TCF4: variants seen among roughly 807,000 people sequenced by gnomAD.
TCF4 encodes the protein SL3-3 enhancer factor 2.
A neutral mutation model predicts 82.1 loss-of-function variants in TCF4; 3 were observed. The ratio of observed to expected loss-of-function variants is 0.04; its 90% CI spans 0.02 to 0.09. TCF4 has a LOEUF of 0.09. Among genes scored for constraint, TCF4 ranks in the 10% least tolerant of loss-of-function variants. TCF4 has a pLI of 1.00. For missense variants in TCF4, 518 were observed against 852.7 expected (o/e 0.61, Z 4.89); for synonymous variants, 276 against 309.6 (o/e 0.89, Z 1.14).
intron 3 of TCF4, among the ~76,000 whole-genome samples, chr18:55,469,282 G>A (rs535427875): frequency 6.6e-6 from 1 of 152,172 alleles, no homozygotes; most frequent in African/African-American, 2.4e-5. Flanking sequence ...TGGCCAAAAT[G>A]GTGAGACCCC....
At chr18:55,431,862 C>T (rs12963463) in intron 5 of TCF4, among the ~76,000 whole-genome samples, 91,540 of 151,914 alleles carry the variant, frequency 0.6, 29,016 homozygotes, top group Non-Finnish European at 0.7. Context: ...TAACTAATGT[C>T]GGGGGGGTCT....
intron 2 of TCF4, among the ~76,000 whole-genome samples, chr18:55,626,381 G>C (rs1471005720): frequency 6.6e-6 from 1 of 152,030 alleles, no homozygotes; most frequent in African/African-American, 2.4e-5. Context: ...TTTCTTGTCT[G>C]TGAATACTAT....
At chr18:55,298,662 A>G (rs530928851) in intron 8 of TCF4, among the ~76,000 whole-genome samples, 2 of 152,344 alleles carry the variant, frequency 1.3e-5, no homozygotes, top group East Asian at 3.9e-4. Context: ...ATATCAGGCA[A>G]ATAACCAAAT....
At chr18:55,281,882 G>T (rs985407097) in intron 8 of TCF4, among the ~76,000 whole-genome samples, 2 of 151,814 alleles carry the variant, frequency 1.3e-5, no homozygotes, top group Non-Finnish European at 2.9e-5. Context: ...AATATTGGCT[G>T]CATGGAGAAG....
At chr18:55,286,430 C>G (rs534229323) in intron 8 of TCF4, among the ~76,000 whole-genome samples, 1 of 151,950 alleles carries the variant, frequency 6.6e-6, no homozygotes, top group African/African-American at 2.4e-5. Flanking sequence ...GTAAAGGAGT[C>G]AAAGGAAGAG....
chr18:55,574,935 G>A (rs1323523910), intron 3 of TCF4, among the ~76,000 whole-genome samples: 1 of 152,040 alleles, frequency 6.6e-6, no homozygotes, highest in African/African-American at 2.4e-5. Flanking sequence ...ATAAGAACAT[G>A]GCATGCATTC....
chr18:55,403,370 T>G, intron 6 of TCF4, 84 bp downstream of exon 6: 1 of 1,504,310 alleles, frequency 6.6e-7, no homozygotes, highest in Non-Finnish European at 9.3e-7. Context: ...TGTCACAGTT[T>G]AAAATGCATC....
chr18:55,374,330 A>T lies in TCF4; in HGVS notation c.370-23327T>A, dbSNP rs960192164. Among the ~76,000 whole-genome samples, 7 of 152,054 alleles carry T rather than the reference A, an allele frequency of 4.6e-5. No homozygotes were observed. The South Asian group carries it at 1.0e-3, about 23-fold the overall frequency. ...AAAACAAAATGTAGATTATCAATGA[A>T]ACCAAAAGAAGGTACTTGAAAAAAA... On this transcript the variant is annotated intron_variant, in intron 6 of 19. Coordinates refer to ENST00000354452, the MANE Select transcript of TCF4 (RefSeq NM_001083962.2).
At chr18:55,480,296 A>AAAAAAG (rs1568175293) in intron 3 of TCF4, among the ~76,000 whole-genome samples, 10 of 63,350 alleles carry the variant, frequency 1.6e-4, no homozygotes, top group Admixed American at 2.1e-4. Flanking sequence ...AAAAAAAAAA[A>AAAAAAG]GCGGGGGGGC....
At chr18:55,552,009 T>C (rs1201328213) in intron 3 of TCF4, among the ~76,000 whole-genome samples, 2 of 152,226 alleles carry the variant, frequency 1.3e-5, no homozygotes, top group African/African-American at 2.4e-5. Flanking sequence ...CACAGTGACA[T>C]ATAAATATCT....
At chr18:55,326,401 CAAAAAAAAAAAAAA>C (rs59228811) in intron 8 of TCF4, among the ~76,000 whole-genome samples, 62 of 26,390 alleles carry the variant, frequency 2.3e-3, no homozygotes, top group Admixed American at 7.6e-3. Flanking sequence ...AGAGCAGCAG[CAAAAAAAAAAAAAA>C]AAAAAAAAAA....
At chr18:55,269,452 A>G in intron 11 of TCF4, 1 of 314,496 alleles carries the variant, frequency 3.2e-6, no homozygotes, top group Non-Finnish European at 6.2e-6. Context: ...CAATGACTGG[A>G]ATTTTGGGAA....
intron 5 of TCF4, among the ~76,000 whole-genome samples, chr18:55,443,419 C>T (rs751167315): frequency 2.6e-5 from 4 of 152,102 alleles, no homozygotes; most frequent in African/African-American, 7.2e-5. Flanking sequence ...AGTGTTAACC[C>T]GAATTTTCAC....
At chr18:55,415,519 A>G (rs1414879025) in intron 5 of TCF4, among the ~76,000 whole-genome samples, 1 of 152,186 alleles carries the variant, frequency 6.6e-6, no homozygotes, top group Non-Finnish European at 1.5e-5. Context: ...CCCCAAACTT[A>G]TTTAGTACTA....
At position 55,524,937 on chromosome 18, in the gene TCF4, G is replaced by T. The variant is rs186055027; in HGVS notation, c.145+60343C>A. 8.5e-5 allele frequency among the ~76,000 whole-genome samples: 13 copies of T among 152,306 alleles called. No individual in the cohort carries two copies. In the East Asian group the frequency reaches 2.1e-3, roughly 25 times the overall value. ...CTGAGGCCCACAACTCAAATGAACA[G>T]CTGTGTGTGACAAGATCAGTTCATT... On this transcript the variant is annotated intron_variant, in intron 3 of 19. Coordinates refer to ENST00000354452, the MANE Select transcript of TCF4 (RefSeq NM_001083962.2).
intron 5 of TCF4, among the ~76,000 whole-genome samples, chr18:55,457,537 G>T (rs1482401928): frequency 1.3e-5 from 2 of 152,032 alleles, no homozygotes; most frequent in Admixed American, 6.6e-5. Flanking sequence ...CCAGGTTGGG[G>T]TGCAATGGCA....
At chr18:55,237,467 CTTTTTTTTTTT>C (rs538071929) in intron 15 of TCF4, among the ~76,000 whole-genome samples, 1 of 122,672 alleles carries the variant, frequency 8.2e-6, no homozygotes, top group South Asian at 2.6e-4. Flanking sequence ...GTTGTTCTGA[CTTTTTTTTTTT>C]TTTTTTTTGG....
At chr18:55,534,154 G>C (rs1355298059) in intron 3 of TCF4, among the ~76,000 whole-genome samples, 3 of 152,178 alleles carry the variant, frequency 2.0e-5, no homozygotes, top group Non-Finnish European at 4.4e-5. Context: ...GCATAAAACA[G>C]TTTGCGTACT....
chr18:55,502,982 A>G (rs1459856208), intron 3 of TCF4, among the ~76,000 whole-genome samples: 1 of 152,224 alleles, frequency 6.6e-6, no homozygotes, highest in Non-Finnish European at 1.5e-5. Context: ...AAATATCTAC[A>G]GTTGACACTT....
Sources: allele counts gnomAD v4.1 joint callset (sites outside exome capture counted in the v4.1 genomes callset), GRCh38; gene constraint gnomAD v4.1.1; transcripts MANE v1.5; gene names NCBI Gene and HGNC (gene_info 2026-07-23, HGNC 2026-07-21).